Variants in ZPBP observed in about 807,000 individuals in gnomAD.
ZPBP encodes the protein zona pellucida binding protein.
A neutral mutation model predicts 44.8 loss-of-function variants in ZPBP; 26 were observed. The ratio of observed to expected loss-of-function variants is 0.58; its 90% CI spans 0.43 to 0.81. The LOEUF (loss-of-function observed/expected upper bound fraction) is 0.81. ZPBP is among the 30% of genes least tolerant of loss of function. The pLI, the probability that ZPBP is intolerant of heterozygous loss-of-function variation, is 0.00. For synonymous variants in ZPBP, 174 were observed against 153.2 expected (o/e 1.14, Z -1.00); for missense variants, 409 against 434.0 (o/e 0.94, Z 0.51).
intron 2 of ZPBP, among the ~76,000 whole-genome samples, chr7:49,881,877 T>C (rs768703501): frequency 1.3e-5 from 2 of 152,094 alleles, no homozygotes; most frequent in Non-Finnish European, 2.9e-5. Context: ...ATAGATTTTT[T>C]AATAAAAGAG....
At chr7:50,068,578 C>T (rs1044419138) in intron 3 of ZPBP, among the ~76,000 whole-genome samples, 5 of 152,168 alleles carry the variant, frequency 3.3e-5, no homozygotes, top group East Asian at 3.9e-4. Context: ...TTCACACCTG[C>T]GTTCATGCCT....
In ZPBP at chr7:49,996,530, T is replaced by C. The variant is rs944286642; in HGVS notation, c.784-13011A>G. On this transcript the variant is annotated intron_variant, in intron 6 of 7. Coordinates refer to ENST00000046087, the MANE Select transcript of ZPBP (RefSeq NM_007009.3). The stretch of plus-strand genomic sequence containing the variant: ...CACAGTTACCCTAGTAAAAGGCCAT[T>C]AAGTCCCATTAGGGAAGGCTGGGAG... Among the ~76,000 whole-genome samples the C allele has an allele frequency of 2.0e-5, 3 of 152,190 alleles. No individual in the cohort carries two copies. The South Asian group carries it at 6.2e-4, about 31-fold the overall frequency.
chr7:50,089,061 A>G (rs1003770583), intron 2 of ZPBP, among the ~76,000 whole-genome samples: 13 of 152,092 alleles, frequency 8.5e-5, no homozygotes, highest in Non-Finnish European at 1.6e-4. Flanking sequence ...CAGAAAGTAG[A>G]TAAGTAGTTT....
the ZPBP span, among the ~76,000 whole-genome samples, chr7:49,843,085 A>G: frequency 6.6e-6 from 1 of 152,140 alleles, no homozygotes; most frequent in Admixed American, 6.5e-5. Context: ...CTGCTCCAGC[A>G]GTCCCCAGTG....
intron 2 of ZPBP, among the ~76,000 whole-genome samples, chr7:49,866,639 T>C (rs917086617): frequency 3.3e-5 from 5 of 152,212 alleles, no homozygotes; most frequent in East Asian, 3.9e-4. Context: ...TCACAAAAGA[T>C]GGTCAGTTTT....
intron 6 of ZPBP, among the ~76,000 whole-genome samples, chr7:50,006,629 C>T (rs576148059): frequency 4.5e-4 from 68 of 151,926 alleles, no homozygotes; most frequent in Non-Finnish European, 8.1e-4. Context: ...AATCAACCTA[C>T]CTTTACAACC....
At chr7:50,067,275 C>T (rs1181930113) in intron 3 of ZPBP, among the ~76,000 whole-genome samples, 3 of 152,174 alleles carry the variant, frequency 2.0e-5, no homozygotes, top group Non-Finnish European at 1.5e-5. Flanking sequence ...TTTGGGGGCC[C>T]ATACAGCATT....
At chr7:50,062,248 C>G (rs1207774285) in intron 3 of ZPBP, among the ~76,000 whole-genome samples, 1 of 152,112 alleles carries the variant, frequency 6.6e-6, no homozygotes, top group Non-Finnish European at 1.5e-5. Context: ...AACCATACTA[C>G]CCAAAACAAC....
At chr7:50,011,202 C>A (rs1237168366) in intron 6 of ZPBP, among the ~76,000 whole-genome samples, 1 of 152,062 alleles carries the variant, frequency 6.6e-6, no homozygotes, top group Admixed American at 6.6e-5. Context: ...TCACCTTATA[C>A]AAAAATCAAC....
chr7:50,040,727 G>T (rs898759788), intron 4 of ZPBP, among the ~76,000 whole-genome samples: 1 of 152,244 alleles, frequency 6.6e-6, no homozygotes, highest in East Asian at 1.9e-4. Flanking sequence ...AAAACTTGGC[G>T]GCCATTTGGG....
At chr7:49,924,721 T>G (rs1199675466) in intron 1 of ZPBP, among the ~76,000 whole-genome samples, 1 of 152,162 alleles carries the variant, frequency 6.6e-6, no homozygotes, top group African/African-American at 2.4e-5. Context: ...CTAGCCCCAT[T>G]TCTCCTGGGT....
At chr7:49,965,676 A>G (rs11185597) in intron 7 of ZPBP, among the ~76,000 whole-genome samples, 113,675 of 151,818 alleles carry the variant, frequency 0.75, 42,798 homozygotes, top group East Asian at 0.89. Flanking sequence ...TAAGCATAAT[A>G]ATAGTGTAGT....
At chr7:49,928,795 G>A (rs1794344476) in intron 1 of ZPBP, among the ~76,000 whole-genome samples, 1 of 152,100 alleles carries the variant, frequency 6.6e-6, no homozygotes, top group Non-Finnish European at 1.5e-5. Flanking sequence ...GTTAGATAAC[G>A]CCTACCTCAT....
At chr7:49,940,977 T>C (rs1794855050) in intron 7 of ZPBP, among the ~76,000 whole-genome samples, 2 of 151,990 alleles carry the variant, frequency 1.3e-5, no homozygotes, top group Admixed American at 1.3e-4. Context: ...GAGAAGAAGA[T>C]ATCTAAAAGC....
At chr7:49,896,559 T>A (rs927221204) in intron 2 of ZPBP, among the ~76,000 whole-genome samples, 1 of 151,774 alleles carries the variant, frequency 6.6e-6, no homozygotes, top group Non-Finnish European at 1.5e-5. Flanking sequence ...ATCAGTAAAA[T>A]TGAAAACAAA....
intron 2 of ZPBP, among the ~76,000 whole-genome samples, chr7:50,082,595 A>G (rs1802422828): frequency 6.6e-6 from 1 of 151,800 alleles, no homozygotes; most frequent in Non-Finnish European, 1.5e-5. Flanking sequence ...GATACACTGT[A>G]TACAAAGATT....
chr7:49,848,675 C>G (rs1329728074), downstream of ZPBP, among the ~76,000 whole-genome samples: 1 of 152,234 alleles, frequency 6.6e-6, no homozygotes, highest in Non-Finnish European at 1.5e-5. Flanking sequence ...TCGTTTCTCA[C>G]CTCCTCAGAC....
intron 2 of ZPBP, among the ~76,000 whole-genome samples, chr7:49,870,021 G>C (rs1791074446): frequency 6.6e-6 from 1 of 152,178 alleles, no homozygotes; most frequent in South Asian, 2.1e-4. Context: ...CTGTTTAGTT[G>C]AAATTCAAGA....
chr7:49,982,337 A>G (rs1161128967), intron 7 of ZPBP, among the ~76,000 whole-genome samples: 1 of 124,848 alleles, frequency 8.0e-6, no homozygotes, highest in Non-Finnish European at 1.6e-5. Context: ...TATAATATAT[A>G]ATACATAATA....
Sources: allele counts gnomAD v4.1 joint callset (sites outside exome capture counted in the v4.1 genomes callset), GRCh38; gene constraint gnomAD v4.1.1; transcripts MANE v1.5; gene names NCBI Gene and HGNC (gene_info 2026-07-23, HGNC 2026-07-21).